Variants in NEK9 observed in about 807,000 individuals in gnomAD.
NEK9 encodes the protein NIMA related kinase 9, also known as serine/threonine-protein kinase Nek9.
A neutral mutation model predicts 123.4 loss-of-function variants in NEK9; 75 were observed. The observed-to-expected ratio is 0.61, with a 90% confidence interval of 0.50 to 0.74. The LOEUF is 0.74. NEK9 is among the 30% of genes least tolerant of loss of function. The probability of loss-of-function intolerance (pLI) is 0.00; values close to 1 mark genes in which losing one functional copy is unlikely to be tolerated. For missense variants in NEK9, 952 were observed against 1,214.4 expected (o/e 0.78, Z 3.21); for synonymous variants, 438 against 458.7 (o/e 0.95, Z 0.58).
At position 75,087,060 on chromosome 14, in the gene NEK9, G is replaced by T. The variant is rs1338397175; in HGVS notation, c.2775C>A (p.Thr925=). Reference sequence around the variant, plus strand: ...ATTTCTTGTTCAACTTCTGCAGTTGGGTAAAAATCTGGAGGTTTTCTTGCT... The same window carrying T: ...ATTTCTTGTTCAACTTCTGCAGTTGTGTAAAAATCTGGAGGTTTTCTTGCT... ...KLQQENLQIF[T]QLQKLNKKLE... is the part of the protein sequence containing the mutation. Residue 925 remains threonine, a synonymous_variant, in exon 21 of 22, where the codon ACC becomes ACA. Transcript: ENST00000238616. 1 of 1,614,160 alleles carries T rather than the reference G, an allele frequency of 6.2e-7. No individual in the cohort carries two copies. Among genetic ancestry groups the T allele is most frequent in the South Asian group, 1.1e-5 (1 of 91,074 alleles).
At chr14:75,115,445 A>C (rs1309142462) in intron 6 of NEK9, among the ~76,000 whole-genome samples, 2 of 152,138 alleles carry the variant, frequency 1.3e-5, no homozygotes, top group Non-Finnish European at 2.9e-5. Context: ...TTCTTCCACC[A>C]TACTATTTAG....
chr14:75,099,394 T>C (rs1174991357), intron 16 of NEK9, among the ~76,000 whole-genome samples: 2 of 151,704 alleles, frequency 1.3e-5, no homozygotes, highest in African/African-American at 2.4e-5. Context: ...TACAAAAATT[T>C]AGAAGTTCAG....
chr14:75,104,386 G>A (rs1894700392), intron 13 of NEK9, among the ~76,000 whole-genome samples: 1 of 152,066 alleles, frequency 6.6e-6, no homozygotes, highest in Non-Finnish European at 1.5e-5. Flanking sequence ...GGCTGGTCTC[G>A]AACTCCTGAC....
At chr14:75,102,936 T>C (rs1038101468) in intron 14 of NEK9, among the ~76,000 whole-genome samples, 53 of 151,578 alleles carry the variant, frequency 3.5e-4, no homozygotes, top group Non-Finnish European at 5.9e-4. Context: ...AGTAAACTAT[T>C]GCAAGGACAA....
At position 75,109,724 on chromosome 14, in the gene NEK9, A is replaced by G. The variant is rs139139080; in HGVS notation, c.1143T>C (p.Phe381=). The change falls in exon 10 of 22, where the codon TTT becomes TTC. Residue 381 remains phenylalanine (F), a synonymous_variant. Coordinates refer to ENST00000238616, the MANE Select transcript of NEK9 (RefSeq NM_033116.6). ...GTTCCTTCTCCACTGTGACCACAGC[A>G]AAGTGGGTATTCCCTGCACAGACCT... ...ARQVCAGNTH[F]AVVTVEKELY... 2 of 1,614,078 alleles carry G rather than the reference A, an allele frequency of 1.2e-6. No individual in the cohort carries two copies. Among genetic ancestry groups the G allele is most frequent in the East Asian group, 2.2e-5 (1 of 44,890 alleles).
rs563639792 is a variant in NEK9, at chr14:75,090,288, T to G, written c.2442+982A>C. Among the ~76,000 whole-genome samples, 11 of 152,038 alleles carry G rather than the reference T, an allele frequency of 7.2e-5. No individual in the cohort carries two copies. The South Asian group carries it at 2.1e-3, about 29-fold the overall frequency. On this transcript the variant is annotated intron_variant, in intron 19 of 21. Coordinates refer to ENST00000238616, the MANE Select transcript of NEK9 (RefSeq NM_033116.6). The stretch of plus-strand genomic sequence containing the variant: ...CCATCATGCTCGGTCTTTTTTTTTT[T>G]TTTTTTGGTAAAAAATTTAAAATTT...
At chr14:75,095,793 G>C (rs1306258213) in intron 17 of NEK9, among the ~76,000 whole-genome samples, 1 of 152,134 alleles carries the variant, frequency 6.6e-6, no homozygotes, top group Non-Finnish European at 1.5e-5. Flanking sequence ...GGGAGGCTCA[G>C]GTGAGAGGAT....
At chr14:75,095,855 A>G (rs1371097053) in intron 17 of NEK9, among the ~76,000 whole-genome samples, 1 of 151,992 alleles carries the variant, frequency 6.6e-6, no homozygotes, top group East Asian at 1.9e-4. Flanking sequence ...GTGCCACTGC[A>G]CTCTACTCTG....
chr14:75,122,178 A>G (rs1295188059), intron 2 of NEK9, among the ~76,000 whole-genome samples: 1 of 151,764 alleles, frequency 6.6e-6, no homozygotes, highest in African/African-American at 2.4e-5. Context: ...CTGCAACTTA[A>G]TAACTCAGTT....
chr14:75,101,246 G>T, intron 15 of NEK9, 93 bp from the exon 16 acceptor site: 4 of 1,321,174 alleles, frequency 3.0e-6, no homozygotes, highest in Non-Finnish European at 4.1e-6. Context: ...TTAGCTTCCG[G>T]TTGTTAGAAT....
chr14:75,091,471 C>G lies in NEK9; in HGVS notation c.2241G>C (p.Gln747His). Residue 747 changes from glutamine (Q) to histidine (H), a missense_variant, in exon 19 of 22, where the codon CAG becomes CAC. Gln to His is a conservative substitution (Grantham distance 24). Coordinates refer to ENST00000238616, the MANE Select transcript of NEK9 (RefSeq NM_033116.6). ...CGCCGCCTCCTCCCGGGCTAGAGCT[C>G]TGAAACACTGACAGATATACAGCAC... ...SSGLSIGTVFQSSSPGGGGGG... is the reference protein window; with the variant it reads ...SSGLSIGTVFHSSSPGGGGGG... 1 of 1,584,434 alleles carries G rather than the reference C, an allele frequency of 6.3e-7. No individual in the cohort carries two copies. Among genetic ancestry groups the G allele is most frequent in the East Asian group, 2.2e-5 (1 of 44,638 alleles).
intron 21 of NEK9, 85 bp downstream of exon 21, chr14:75,086,933 C>T (rs1894044284): frequency 1.5e-6 from 2 of 1,372,052 alleles, no homozygotes; most frequent in Non-Finnish European, 2.1e-6. Context: ...TGCAAAGGAA[C>T]AAGTCTATTT....
rs745968707 is a variant in NEK9, at chr14:75,087,199, G to A, written c.2636C>T (p.Ala879Val). 31 of 1,613,718 alleles carry A rather than the reference G, an allele frequency of 1.9e-5. No individual in the cohort carries two copies. In the Admixed American group the frequency reaches 5.2e-4, roughly 27 times the overall value. ...SPRLNPAVTCAGKGTPLTPPA... is the reference protein window; with the variant it reads ...SPRLNPAVTCVGKGTPLTPPA... ...AGGAGTCAGTGGTGTTCCCTTCCCA[G>A]CACAGGTTACTGCAGGATTCAGCCG... Residue 879 changes from alanine to valine, a missense_variant, in exon 21 of 22, where the codon GCT becomes GTT. By Grantham distance (64) the Ala-to-Val change is moderately conservative. Transcript: ENST00000238616.
Position 75,091,490 on chromosome 14 carries a change from A to G in NEK9, c.2234-12T>C. 1 of 1,558,798 alleles carries G rather than the reference A, an allele frequency of 6.4e-7. No individual in the cohort carries two copies. The highest frequency in any genetic ancestry group is 8.7e-7 in the Non-Finnish European group (1 of 1,155,554). ...AGAGCTCTGAAACACTGACAGATAT[A>G]CAGCACAGAAATAGACAGCTTTGCT... On this transcript the variant is annotated splice_polypyrimidine_tract_variant and intron_variant, in intron 18 of 21. Coordinates refer to ENST00000238616, the MANE Select transcript of NEK9 (RefSeq NM_033116.6).
At position 75,107,388 on chromosome 14, in the gene NEK9, T is replaced by C; in HGVS notation, c.1282A>G (p.Ile428Val). The change falls in exon 11 of 22, where the codon ATC becomes GTC. Residue 428 changes from isoleucine to valine, a missense_variant. Ile to Val is a conservative substitution (Grantham distance 29). Transcript: ENST00000238616. ...KHVEKLQGKA[I>V]RQVSCGDDFT... ...TCATCACCACATGACACCTGACGGA[T>C]AGCTTTGCCTTGCAACTTTTCCACA... The C allele has an allele frequency of 1.2e-6, 2 of 1,614,016 alleles. No individual in the cohort carries two copies. The highest frequency in any genetic ancestry group is 1.7e-6 in the Non-Finnish European group (2 of 1,179,976).
chr14:75,089,417 CAG>C (rs764725213), intron 19 of NEK9, among the ~76,000 whole-genome samples: 13 of 152,062 alleles, frequency 8.5e-5, no homozygotes, highest in Non-Finnish European at 1.3e-4. Flanking sequence ...TTAGTAGAGA[CAG>C]AGTTTCACCA....
chr14:75,123,821 G>C (rs1159194765), intron 2 of NEK9, among the ~76,000 whole-genome samples: 1 of 152,134 alleles, frequency 6.6e-6, no homozygotes, highest in Non-Finnish European at 1.5e-5. Context: ...TTTGAAAATG[G>C]AACTGTAATC....
chr14:75,124,121 G>C lies in NEK9; in HGVS notation c.322C>G (p.His108Asp). The change falls in exon 2 of 22, where the codon CAC becomes GAC. Residue 108 changes from histidine to aspartate, a missense_variant. Around this residue, in one of 4 missense-constraint regions of NEK9, gnomAD observed 106 missense variants for 153.0 expected, o/e 0.69. Coordinates refer to ENST00000238616, the MANE Select transcript of NEK9 (RefSeq NM_033116.6). ...NEIVILALLQ[H>D]DNIIAYYNHF... Reference sequence around the variant, plus strand: ...TTGTAGTAGGCAATAATGTTGTCGTGCTGCAGCAGTGCCAGAATAACAATC... The same window carrying C: ...TTGTAGTAGGCAATAATGTTGTCGTCCTGCAGCAGTGCCAGAATAACAATC... The C allele has an allele frequency of 6.2e-7, 1 of 1,614,014 alleles. No individual in the cohort carries two copies. The highest frequency in any genetic ancestry group is 1.7e-5 in the Admixed American group (1 of 60,028).
chr14:75,111,868 G>A (rs769368371), intron 8 of NEK9, among the ~76,000 whole-genome samples: 21 of 152,094 alleles, frequency 1.4e-4, no homozygotes, highest in Non-Finnish European at 2.5e-4. Flanking sequence ...TCCAGCCTGG[G>A]CAACAGAGTG....
Sources: gnomAD v4.1 joint callset for allele counts (sites outside exome capture counted in the v4.1 genomes callset) on GRCh38, gnomAD v4.1.1 for gene constraint, gnomAD v4.1.1 regional missense constraint, MANE v1.5 for transcripts, NCBI Gene and HGNC (gene_info 2026-07-23, HGNC 2026-07-21) for gene names.